Variants in TGFA observed in about 807,000 individuals in gnomAD.
The protein encoded by TGFA is protransforming growth factor alpha.
Under a neutral mutation model 21.7 loss-of-function variants are expected in TGFA, and 12 were observed. That is an observed-to-expected ratio of 0.55 (90% CI 0.35 to 0.90). The LOEUF (loss-of-function observed/expected upper bound fraction) is 0.90, where lower values mean the gene tolerates loss of function less well. Among genes scored for constraint, TGFA ranks in the 40% least tolerant of loss-of-function variants. The probability of loss-of-function intolerance (pLI) is 0.01; values close to 1 mark genes in which losing one functional copy is unlikely to be tolerated. For synonymous variants in TGFA, 79 were observed against 88.1 expected (o/e 0.90, Z 0.58); for missense variants, 178 against 210.8 (o/e 0.84, Z 0.96).
At chr2:70,514,473 C>T (rs1672205176) in intron 2 of TGFA, among the ~76,000 whole-genome samples, 1 of 147,686 alleles carries the variant, frequency 6.8e-6, no homozygotes, top group Non-Finnish European at 1.5e-5. Context: ...CAGAAAATAA[C>T]TAAACAAAGG....
At chr2:70,516,278 G>T (rs782235585) in intron 1 of TGFA, among the ~76,000 whole-genome samples, 53 of 152,216 alleles carry the variant, frequency 3.5e-4, no homozygotes, top group Non-Finnish European at 1.5e-4. Context: ...TCTGTTACAG[G>T]ATCGATGCAG....
intron 1 of TGFA, among the ~76,000 whole-genome samples, chr2:70,553,024 C>G (rs957583315): frequency 2.6e-5 from 4 of 152,374 alleles, no homozygotes; most frequent in African/African-American, 9.6e-5. Flanking sequence ...AACTTCCCCT[C>G]ACCTTTCCCA....
chr2:70,468,298 G>C (rs1374782549), intron 2 of TGFA: 1 of 152,230 alleles, frequency 6.6e-6, no homozygotes, highest in Non-Finnish European at 1.5e-5. Flanking sequence ...TATCGACCTG[G>C]GGCTGCTGGA....
intron 2 of TGFA, among the ~76,000 whole-genome samples, chr2:70,479,889 A>G (rs1464796535): frequency 2.6e-5 from 4 of 152,220 alleles, no homozygotes; most frequent in African/African-American, 9.7e-5. Context: ...TTTCTTAGGA[A>G]TAGAGGCATT....
chr2:70,460,505 C>T (rs923897741), intron 3 of TGFA, among the ~76,000 whole-genome samples: 1 of 152,094 alleles, frequency 6.6e-6, no homozygotes, highest in Non-Finnish European at 1.5e-5. Flanking sequence ...CACACTTGAT[C>T]CAGCTGCTGT....
intron 1 of TGFA, among the ~76,000 whole-genome samples, chr2:70,535,277 T>C (rs139746808): frequency 7.9e-5 from 12 of 152,306 alleles, no homozygotes; most frequent in African/African-American, 2.9e-4. Context: ...GCTCCTGCCA[T>C]GATCTATAAA....
At chr2:70,530,914 T>A (rs1184603547) in intron 1 of TGFA, among the ~76,000 whole-genome samples, 1 of 152,218 alleles carries the variant, frequency 6.6e-6, no homozygotes, top group Non-Finnish European at 1.5e-5. Flanking sequence ...ATGCCCTCAA[T>A]GTACCACCTC....
intron 1 of TGFA, among the ~76,000 whole-genome samples, chr2:70,523,302 G>A (rs782108197): frequency 6.6e-6 from 1 of 152,208 alleles, no homozygotes; most frequent in Non-Finnish European, 1.5e-5. Context: ...AGACAGAGGA[G>A]TGAACGCTCA....
chr2:70,465,475 G>T, intron 3 of TGFA, 141 bp downstream of exon 3: 1 of 1,087,130 alleles, frequency 9.2e-7, no homozygotes. Context: ...GTGTCCCTCA[G>T]CCCCACTGTT....
intron 2 of TGFA, among the ~76,000 whole-genome samples, chr2:70,479,195 A>T (rs1671031752): frequency 6.6e-6 from 1 of 152,208 alleles, no homozygotes; most frequent in Admixed American, 6.5e-5. Flanking sequence ...TATAGCTGTT[A>T]TCTAGTTGAA....
chr2:70,464,840 TC>T (rs1447449007), intron 3 of TGFA, among the ~76,000 whole-genome samples: 1 of 152,160 alleles, frequency 6.6e-6, no homozygotes, highest in Non-Finnish European at 1.5e-5. Context: ...CAGTAGCAGA[TC>T]CCCTGAGCAT....
At chr2:70,553,221 G>A (rs1553507104) in intron 1 of TGFA, 2 of 1,536,054 alleles carry the variant, frequency 1.3e-6, no homozygotes, top group Non-Finnish European at 1.7e-6. Flanking sequence ...GATCGAGGGC[G>A]CCTCTGCCGA....
At chr2:70,461,593 A>G (rs1670406874) in intron 3 of TGFA, 1 of 152,224 alleles carries the variant, frequency 6.6e-6, no homozygotes, top group South Asian at 2.1e-4. Context: ...GACAGGTGAG[A>G]AACTTCAAAC....
At chr2:70,520,930 C>G (rs1672431300) in intron 1 of TGFA, among the ~76,000 whole-genome samples, 2 of 152,016 alleles carry the variant, frequency 1.3e-5, no homozygotes, top group South Asian at 4.2e-4. Flanking sequence ...CAGCCCTTCC[C>G]TCTCCTTCAC....
At chr2:70,451,981 C>CT (rs1553489718) in intron 5 of TGFA, among the ~76,000 whole-genome samples, 2 of 152,212 alleles carry the variant, frequency 1.3e-5, no homozygotes. Context: ...TCTCTGTGTG[C>CT]TCCCTTACTG....
At chr2:70,465,294 G>A (rs1670520547) in intron 3 of TGFA, among the ~76,000 whole-genome samples, 2 of 152,198 alleles carry the variant, frequency 1.3e-5, no homozygotes, top group African/African-American at 4.8e-5. Flanking sequence ...ATTCTAAGTT[G>A]TGAATTAAAT....
intron 1 of TGFA, among the ~76,000 whole-genome samples, chr2:70,527,508 C>T (rs1276173838): frequency 6.6e-6 from 1 of 152,206 alleles, no homozygotes; most frequent in East Asian, 1.9e-4. Context: ...CTGTACAATA[C>T]TATAATGGTG....
chr2:70,552,735 G>A (rs1315063412), intron 1 of TGFA, among the ~76,000 whole-genome samples: 3 of 152,330 alleles, frequency 2.0e-5, no homozygotes, highest in Admixed American at 2.0e-4. Context: ...GAGTTCCATG[G>A]CTTTCCACAG....
Position 70,514,911 on chromosome 2 carries a change from A to G in TGFA, c.42T>C (p.Gly14=). 6.2e-7 allele frequency: 1 copy of G among 1,613,456 alleles called. No homozygotes were observed. The highest frequency in any genetic ancestry group is 8.5e-7 in the Non-Finnish European group (1 of 1,179,676). The change falls in exon 2 of 6, where the codon GGT becomes GGC. Residue 14 remains glycine, a splice_region_variant and synonymous_variant. Transcript: ENST00000295400. The part of the protein sequence containing the change: ...SAGQLALFAL[G]IVLAACQALE... ...AGGCCTGGCACGCAGCCAACACAAT[A>G]CCTGTTGGGTGGAGGAGAAGAGGGA...
Sources: allele counts gnomAD v4.1 joint callset (sites outside exome capture counted in the v4.1 genomes callset), GRCh38; gene constraint gnomAD v4.1.1; transcripts MANE v1.5; gene names NCBI Gene and HGNC (gene_info 2026-07-23, HGNC 2026-07-21).